The following XKR6 variants were observed in gnomAD, a reference collection of about 807,000 sequenced individuals.
XKR6 encodes the protein XK related 6.
In XKR6, 22 loss-of-function variants were observed where a neutral mutation model predicts 56.7. That is an observed-to-expected ratio of 0.39 (90% confidence interval 0.28 to 0.55). The LOEUF (loss-of-function observed/expected upper bound fraction) is 0.55. Among genes scored for constraint, XKR6 ranks in the 20% least tolerant of loss-of-function variants. The pLI, the probability that XKR6 is intolerant of heterozygous loss-of-function variation, is 0.66. For missense variants in XKR6, 852 were observed against 889.0 expected, an observed-to-expected ratio of 0.96 and a Z score of 0.53; for synonymous variants, 524 against 387.8, an observed-to-expected ratio of 1.35 and a Z score of -4.13.
intron 1 of XKR6, among the ~76,000 whole-genome samples, chr8:11,005,571 T>C (rs1798348884): frequency 6.6e-6 from 1 of 152,154 alleles, no homozygotes; most frequent in South Asian, 2.1e-4. Context: ...AGTTTTCTGT[T>C]ATTTATAATT....
At chr8:11,121,515 C>G (rs1194355215) in intron 1 of XKR6, among the ~76,000 whole-genome samples, 1 of 152,168 alleles carries the variant, frequency 6.6e-6, no homozygotes, top group Non-Finnish European at 1.5e-5. Flanking sequence ...GAATGGCGAT[C>G]ATTAAAAAGT....
chr8:11,014,522 C>T (rs1798573877), intron 1 of XKR6, among the ~76,000 whole-genome samples: 1 of 152,182 alleles, frequency 6.6e-6, no homozygotes, highest in Non-Finnish European at 1.5e-5. Flanking sequence ...GGGTTCCCTC[C>T]TGGAGGCCAG....
intron 1 of XKR6, among the ~76,000 whole-genome samples, chr8:11,025,639 C>T (rs1798844207): frequency 6.6e-6 from 1 of 152,174 alleles, no homozygotes; most frequent in Admixed American, 6.5e-5. Context: ...TTGCATGGGC[C>T]TCTGATTTCA....
intron 1 of XKR6, among the ~76,000 whole-genome samples, chr8:10,966,041 T>TTGTAC (rs1327822631): frequency 1.3e-5 from 2 of 152,166 alleles, no homozygotes; most frequent in African/African-American, 4.8e-5. Context: ...GAGCAGCGGT[T>TTGTAC]CTCAAACCTC....
chr8:11,177,405 A>T (rs901668226), intron 1 of XKR6, among the ~76,000 whole-genome samples: 31 of 152,306 alleles, frequency 2.0e-4, no homozygotes, highest in Admixed American at 1.3e-3. Context: ...ACTACAAAAG[A>T]GTTTCAAAAC....
intron 1 of XKR6, among the ~76,000 whole-genome samples, chr8:11,145,050 G>GAGGGAGGGAGGA (rs1268759748): frequency 1.4e-5 from 2 of 140,956 alleles, no homozygotes; most frequent in African/African-American, 5.3e-5. Context: ...AGAAGGGAGG[G>GAGGGAGGGAGGA]AGGGAGGAAG....
In XKR6 at chr8:11,146,120, C is replaced by A. The variant is rs144025606; in HGVS notation, c.764+54456G>T. Among the ~76,000 whole-genome samples, 524 of 152,306 alleles carry A rather than the reference C, an allele frequency of 3.4e-3. 3 individuals are homozygous for A. Among genetic ancestry groups the A allele is most frequent in the African/African-American group, 0.012 (495 of 41,572 alleles). On this transcript the variant is annotated intron_variant, in intron 1 of 2. Coordinates refer to ENST00000416569, the MANE Select transcript of XKR6 (RefSeq NM_173683.4). ...CTTTCAACAAATAGTAATAGAACAA[C>A]TGAATATTCATATTGTTTAGAAAAC...
intron 1 of XKR6, among the ~76,000 whole-genome samples, chr8:10,980,000 T>G (rs1483358165): frequency 6.6e-6 from 1 of 152,242 alleles, no homozygotes; most frequent in Admixed American, 6.5e-5. Context: ...TGCCCCGTCC[T>G]GGCTCATGCC....
intron 1 of XKR6, among the ~76,000 whole-genome samples, chr8:11,035,020 G>A (rs2898254): frequency 0.27 from 40,364 of 152,152 alleles, 5,753 homozygotes; most frequent in African/African-American, 0.33. Context: ...TTTCATATGC[G>A]TACACATTTA....
chr8:11,105,796 T>C (rs912419340), intron 1 of XKR6: 3 of 152,220 alleles, frequency 2.0e-5, no homozygotes, highest in African/African-American at 7.2e-5. Flanking sequence ...AGCCAAAAGA[T>C]CAGCAACTCT....
At position 10,898,962 on chromosome 8, in the gene XKR6, A is replaced by ACC. The variant is rs769847646; in HGVS notation, c.962-48_962-47dup. Reference sequence around the variant, plus strand: ...CACACAGTCAAAACCTTGGACATCAACCGCAGGGCACAGTGAAGCTGCCGG... The same window carrying ACC: ...CACACAGTCAAAACCTTGGACATCAACCCCGCAGGGCACAGTGAAGCTGCCGG... On this transcript the variant is annotated intron_variant, in intron 2 of 2. Coordinates refer to ENST00000416569, the MANE Select transcript of XKR6 (RefSeq NM_173683.4). This position sits in a 1 kb window ranked among gnomAD's most constrained non-coding sequence, Gnocchi z 6.6. 21 of 1,536,410 alleles carry ACC rather than the reference A, an allele frequency of 1.4e-5. No individual in the cohort carries two copies. Among genetic ancestry groups the ACC allele is most frequent in the Non-Finnish European group, 1.6e-5 (18 of 1,147,716 alleles).
chr8:11,107,825 A>G (rs1236910453), intron 1 of XKR6: 1 of 156,064 alleles, frequency 6.4e-6, no homozygotes. Context: ...TACATAAAAG[A>G]TCTGTTTTAC....
chr8:10,951,002 G>GA (rs59372736), intron 1 of XKR6, among the ~76,000 whole-genome samples: 24,169 of 152,166 alleles, frequency 0.16, 2,164 homozygotes, highest in Middle Eastern at 0.25. Flanking sequence ...GACTGACTGT[G>GA]GCCCCAGAAC....
At position 11,201,349 on chromosome 8, in the gene XKR6, C is replaced by T. The variant is rs2117178693; in HGVS notation, c.-10G>A. The T allele has an allele frequency of 7.2e-7, 1 of 1,384,192 alleles. No individual in the cohort carries two copies. Among genetic ancestry groups the T allele is most frequent in the Non-Finnish European group, 9.5e-7 (1 of 1,056,184 alleles). 85.7% of individuals were successfully genotyped at this position (1,384,192 alleles called of 1,614,324 possible). On this transcript the variant is annotated 5_prime_UTR_variant, in exon 1 of 3. Coordinates refer to ENST00000416569, the MANE Select transcript of XKR6 (RefSeq NM_173683.4). ...CGGATTTCGCCGCCATCTTGACTCT[C>T]TTCCCAGCTCCGGAGGTTGGGGGGG...
intron 1 of XKR6, among the ~76,000 whole-genome samples, chr8:11,022,049 G>A (rs1305183852): frequency 6.6e-6 from 1 of 151,082 alleles, no homozygotes; most frequent in African/African-American, 2.4e-5. Flanking sequence ...CTGGCCTGAA[G>A]GAGTTCATGG....
chr8:11,093,199 G>T (rs986016428), intron 1 of XKR6, among the ~76,000 whole-genome samples: 3 of 152,086 alleles, frequency 2.0e-5, no homozygotes, highest in Non-Finnish European at 2.9e-5. Flanking sequence ...GGGAACACAG[G>T]CGTGTGCCAC....
At chr8:11,138,823 A>G (rs763607884) in intron 1 of XKR6, among the ~76,000 whole-genome samples, 39 of 152,178 alleles carry the variant, frequency 2.6e-4, no homozygotes, top group Non-Finnish European at 4.9e-4. Context: ...GAAATGTTCT[A>G]TATTCTCTAA....
At chr8:11,035,123 C>A (rs1459153747) in intron 1 of XKR6, 1 of 501,942 alleles carries the variant, frequency 2.0e-6, no homozygotes, top group South Asian at 1.5e-5. Context: ...CCTTAAAGGG[C>A]TGCCATGAGG....
At chr8:11,156,498 T>C (rs1357472193) in intron 1 of XKR6, among the ~76,000 whole-genome samples, 1 of 152,190 alleles carries the variant, frequency 6.6e-6, no homozygotes, top group Non-Finnish European at 1.5e-5. Context: ...GTGAAACACC[T>C]AAAATTGCAG....
Sources: allele counts gnomAD v4.1 joint callset (sites outside exome capture counted in the v4.1 genomes callset), GRCh38; gene constraint gnomAD v4.1.1; non-coding constraint Gnocchi (gnomAD v3.1); transcripts MANE v1.5; gene names NCBI Gene and HGNC (gene_info 2026-07-23, HGNC 2026-07-21).